Variants in SVEP1 observed in about 807,000 individuals in gnomAD.
SVEP1 encodes sushi, von Willebrand factor type A, EGF and pentraxin domain containing 1.
Under a neutral mutation model 367.3 loss-of-function variants are expected in SVEP1, and 164 were observed. The ratio of observed to expected loss-of-function variants is 0.45; its 90% CI spans 0.39 to 0.51. The LOEUF (loss-of-function observed/expected upper bound fraction) is 0.51, where lower values mean the gene tolerates loss of function less well. Among genes scored for constraint, SVEP1 ranks in the 20% least tolerant of loss-of-function variants. The pLI is 0.00. For synonymous variants in SVEP1, 1,666 were observed against 1,611.6 expected, an observed-to-expected ratio of 1.03 and a Z score of -0.81; for missense variants, 4,117 against 4,425.3, an observed-to-expected ratio of 0.93 and a Z score of 1.98.
At chr9:110,423,168 T>TAAAAAAAAAAAAAAAGAAAAA (rs1828197035) in intron 36 of SVEP1, among the ~76,000 whole-genome samples, 2 of 103,650 alleles carry the variant, frequency 1.9e-5, no homozygotes, top group African/African-American at 3.5e-5. Flanking sequence ...AAAAATAAAG[T>TAAAAAAAAAAAAAAAGAAAAA]AAAAAAAAAA....
intron 32 of SVEP1, among the ~76,000 whole-genome samples, chr9:110,430,882 A>T (rs1828340732): frequency 6.6e-6 from 1 of 152,148 alleles, no homozygotes; most frequent in South Asian, 2.1e-4. Context: ...TCCCAAATAG[A>T]GTATGGGCTC....
At chr9:110,399,079 A>G (rs1827815971) in intron 40 of SVEP1, among the ~76,000 whole-genome samples, 1 of 152,180 alleles carries the variant, frequency 6.6e-6, no homozygotes, top group African/African-American at 2.4e-5. Flanking sequence ...ACAATAGCAA[A>G]AACTTGGAAC....
chr9:110,471,372 C>T lies in SVEP1; in HGVS notation c.2990G>A (p.Arg997His), dbSNP rs61732547. ...ACAGGGAACAGTCTTACCACACATA[C>T]GCCCTCTCAGCACTGAGCCTGGTCT... ...FCRPGSVLRG[R>H]MCVNCPLGTY... Residue 997 changes from arginine to histidine, a missense_variant, in exon 16 of 48, where the codon CGT (arginine) becomes CAT (histidine). Physicochemically the swap from Arg to His is conservative, Grantham distance 29. This residue lies in a region of SVEP1 where 2,174 missense variants were observed against 2,494.3 expected (regional missense o/e 0.87). Transcript: ENST00000374469. 776 of 1,613,574 alleles carry T rather than the reference C, an allele frequency of 4.8e-4. No homozygotes were observed. In the African/African-American group the frequency reaches 6.6e-3, roughly 14 times the overall value.
chr9:110,506,870 G>A (rs1273595152), intron 5 of SVEP1, among the ~76,000 whole-genome samples: 2 of 151,948 alleles, frequency 1.3e-5, no homozygotes, highest in African/African-American at 2.4e-5. Context: ...AGGAGAAGAG[G>A]AAGAGCAGGG....
At chr9:110,537,580 G>A (rs1044319725) in intron 3 of SVEP1, among the ~76,000 whole-genome samples, 2 of 151,850 alleles carry the variant, frequency 1.3e-5, no homozygotes, top group Non-Finnish European at 2.9e-5. Context: ...CATTAGAATA[G>A]AATTATGTAG....
chr9:110,438,390 C>G (rs572470135), intron 27 of SVEP1, among the ~76,000 whole-genome samples: 1 of 151,708 alleles, frequency 6.6e-6, no homozygotes, highest in East Asian at 1.9e-4. Flanking sequence ...GGGGTTTCGC[C>G]CACCCTCACC....
intron 21 of SVEP1, 96 bp from the exon 22 acceptor site, chr9:110,455,799 AT>A: frequency 2.2e-6 from 2 of 904,618 alleles, no homozygotes; most frequent in Non-Finnish European, 1.6e-6. Flanking sequence ...AATAATCAGA[AT>A]TTTTAAATGG....
At position 110,429,335 on chromosome 9, in the gene SVEP1, C is replaced by G. The variant is rs1223219811; in HGVS notation, c.5616-1G>C. ...GGCCAGAGTATATCCTTTATTACAC[C>G]TAAAGAAGATAGAGGAAAATTACAG... On this transcript the variant is annotated splice_acceptor_variant, in intron 34 of 47. Transcript: ENST00000374469. LOFTEE classifies it high-confidence loss of function. 6.6e-7 allele frequency: 1 copy of G among 1,524,932 alleles called. No homozygotes were observed. Among genetic ancestry groups the G allele is most frequent in the South Asian group, 1.3e-5 (1 of 75,018 alleles). The allele number at this position is 1,524,932 out of a possible 1,614,324, so 94.5% of individuals were successfully genotyped here. A position where few individuals can be genotyped will look rare whatever the true frequency, so the allele number is the denominator to read the frequency against.
chr9:110,398,694 A>G, intron 40 of SVEP1, among the ~76,000 whole-genome samples: 1 of 152,358 alleles, frequency 6.6e-6, no homozygotes, highest in South Asian at 2.1e-4. Flanking sequence ...ATATGAACAG[A>G]CAGTTCTCAA....
chr9:110,433,741 G>T (rs1828389928), intron 30 of SVEP1, among the ~76,000 whole-genome samples: 1 of 151,880 alleles, frequency 6.6e-6, no homozygotes, highest in Non-Finnish European at 1.5e-5. Context: ...AAAGTGCTGG[G>T]ATTACAAATG....
chr9:110,559,759 G>A (rs1302450275), intron 1 of SVEP1, among the ~76,000 whole-genome samples: 2 of 152,092 alleles, frequency 1.3e-5, no homozygotes, highest in Non-Finnish European at 2.9e-5. Flanking sequence ...AAGGATGTAT[G>A]TGTATCCCAG....
chr9:110,447,082 C>A, intron 24 of SVEP1, 25 bp from the exon 25 acceptor site: 1 of 1,447,172 alleles, frequency 6.9e-7, no homozygotes, highest in Admixed American at 2.6e-5. Flanking sequence ...AATGTTGTAA[C>A]AATTAGAACA....
In SVEP1 at chr9:110,443,678, A is replaced by G. The variant is rs1380635898; in HGVS notation, c.4506T>C (p.Cys1502=). 24 of 1,610,872 alleles carry G rather than the reference A, an allele frequency of 1.5e-5. No individual in the cohort carries two copies. The highest frequency in any genetic ancestry group is 2.0e-5 in the Non-Finnish European group (24 of 1,178,580). Residue 1502 remains cysteine, a synonymous_variant, in exon 27 of 48, where the codon TGT becomes TGC. Coordinates refer to ENST00000374469, the MANE Select transcript of SVEP1 (RefSeq NM_153366.4). ...GCCATCTGCCATCATTCACCGAGGG[A>G]CAGTTTGTTATCTTTTCCCTGCCAT... ...YVNGREKITN[C]PSVNDGRWHH...
At chr9:110,375,141 G>C (rs1827330630) in intron 46 of SVEP1, among the ~76,000 whole-genome samples, 1 of 152,082 alleles carries the variant, frequency 6.6e-6, no homozygotes, top group South Asian at 2.1e-4. Flanking sequence ...ACAGATAATT[G>C]AGTAGACTTA....
At chr9:110,381,382 C>G (rs536383505) in intron 43 of SVEP1, among the ~76,000 whole-genome samples, 4 of 152,070 alleles carry the variant, frequency 2.6e-5, no homozygotes, top group Non-Finnish European at 5.9e-5. Flanking sequence ...TTAACTGTGT[C>G]CCAGAGATTC....
intron 24 of SVEP1, among the ~76,000 whole-genome samples, chr9:110,449,446 T>G (rs960824586): frequency 1.3e-5 from 2 of 152,186 alleles, no homozygotes; most frequent in African/African-American, 4.8e-5. Context: ...AAACTTTAGC[T>G]AAAGCACATG....
intron 1 of SVEP1, among the ~76,000 whole-genome samples, chr9:110,551,369 A>T (rs1449119618): frequency 1.3e-5 from 2 of 152,188 alleles, no homozygotes; most frequent in Admixed American, 6.5e-5. Context: ...TTCTTACCTA[A>T]ATTTAGTTAG....
intron 18 of SVEP1, among the ~76,000 whole-genome samples, chr9:110,462,279 T>C (rs1828868957): frequency 6.6e-6 from 1 of 152,064 alleles, no homozygotes; most frequent in Non-Finnish European, 1.5e-5. Flanking sequence ...AATAAATCTA[T>C]TAGCTTCTAA....
In SVEP1 at chr9:110,496,904, T is replaced by C. The variant is rs745521740; in HGVS notation, c.1711A>G (p.Lys571Glu). Residue 571 changes from lysine (K) to glutamate (E), a missense_variant, in exon 8 of 48, where the codon AAG becomes GAG. Physicochemically the swap from Lys to Glu is moderately conservative, Grantham distance 56. This residue lies in a region of SVEP1 where 2,174 missense variants were observed against 2,494.3 expected (regional missense o/e 0.87). Transcript: ENST00000374469. Reference protein sequence around the residue: ...DVEAPQINCPKDIEAKTLEQQ... With the variant: ...DVEAPQINCPEDIEAKTLEQQ... ...TCCAGAGTCTTAGCCTCTATGTCCT[T>C]AGGACAGTTGATTTGAGGAGCCTCC... 6.4e-7 allele frequency: 1 copy of C among 1,551,418 alleles called. No individual in the cohort carries two copies. The highest frequency in any genetic ancestry group is 8.7e-7 in the Non-Finnish European group (1 of 1,145,752).
Sources: gnomAD v4.1 joint callset for allele counts (sites outside exome capture counted in the v4.1 genomes callset) on GRCh38, gnomAD v4.1.1 for gene constraint, gnomAD v4.1.1 regional missense constraint, MANE v1.5 for transcripts, NCBI Gene and HGNC (gene_info 2026-07-23, HGNC 2026-07-21) for gene names.